The following SPIDR variants were observed in gnomAD, a reference collection of about 807,000 sequenced individuals.
SPIDR encodes the protein DNA repair-scaffolding protein.
A neutral mutation model predicts 104.6 loss-of-function variants in SPIDR; 93 were observed. The observed-to-expected ratio is 0.89, with a 90% CI of 0.75 to 1.06. The LOEUF (loss-of-function observed/expected upper bound fraction) is 1.06. Ranked by LOEUF, SPIDR falls within the 50% of genes least tolerant of loss-of-function variation. SPIDR has a pLI of 0.00. For missense variants in SPIDR, 1,154 were observed against 1,111.2 expected, an observed-to-expected ratio of 1.04 and a Z score of -0.55; for synonymous variants, 431 against 416.9, an observed-to-expected ratio of 1.03 and a Z score of -0.41.
chr8:47,263,264 T>C (rs1046886065), intron 1 of SPIDR, among the ~76,000 whole-genome samples: 4 of 152,232 alleles, frequency 2.6e-5, no homozygotes, highest in African/African-American at 9.6e-5. Context: ...CCTTTACAGC[T>C]TTGCTCATTA....
chr8:47,646,686 A>G (rs1298652886), intron 10 of SPIDR, among the ~76,000 whole-genome samples: 1 of 152,190 alleles, frequency 6.6e-6, no homozygotes, highest in East Asian at 1.9e-4. Context: ...TTCCTTGAAT[A>G]TATAGAGAGA....
chr8:47,637,695 G>A (rs935446126), intron 10 of SPIDR, among the ~76,000 whole-genome samples: 3 of 152,148 alleles, frequency 2.0e-5, no homozygotes, highest in Non-Finnish European at 2.9e-5. Flanking sequence ...TCATCATGTC[G>A]TATCCAGTGT....
intron 5 of SPIDR, among the ~76,000 whole-genome samples, chr8:47,350,758 G>A (rs2053340456): frequency 6.6e-6 from 1 of 152,174 alleles, no homozygotes; most frequent in South Asian, 2.1e-4. Context: ...GTTTAAATTT[G>A]AAAGCAGTAC....
chr8:47,275,151 T>G (rs28538258), intron 1 of SPIDR, among the ~76,000 whole-genome samples: 4,257 of 151,200 alleles, frequency 0.028, 212 homozygotes, highest in African/African-American at 0.096. Flanking sequence ...CCCAGCTACT[T>G]GGGAGGCTGA....
rs531758049 is a variant in SPIDR at position 47,721,998 on chromosome 8, C to T, written c.2342-5202C>T. Among the ~76,000 whole-genome samples the T allele has an allele frequency of 6.7e-4, 102 of 152,262 alleles. 1 individual carries two copies. The highest frequency in any genetic ancestry group is 2.3e-3 in the African/African-American group (97 of 41,554). On this transcript the variant is annotated intron_variant, in intron 16 of 19. Coordinates refer to ENST00000297423, the MANE Select transcript of SPIDR (RefSeq NM_001080394.4). ...AAATGACATGTTGTAATACTAGAGC[C>T]TTCTTATCCATGAACATGGAATATC...
intron 5 of SPIDR, among the ~76,000 whole-genome samples, chr8:47,359,092 TA>T (rs1169166306): frequency 4.1e-4 from 61 of 147,890 alleles, no homozygotes; most frequent in African/African-American, 1.3e-3. Flanking sequence ...AAAAAATTGT[TA>T]AAAAAAAAAG....
chr8:47,339,414 A>G (rs1346471377), intron 5 of SPIDR, among the ~76,000 whole-genome samples: 2 of 152,192 alleles, frequency 1.3e-5, no homozygotes, highest in African/African-American at 2.4e-5. Context: ...TTGAAGATGA[A>G]AATTTATTTA....
chr8:47,588,026 CATATATATATATATATATATAT>C lies in SPIDR; in HGVS notation c.1098-7745_1098-7724del, dbSNP rs71548440. On this transcript the variant is annotated intron_variant, in intron 8 of 19. Transcript: ENST00000297423. ...CTTTCCTTGCAACTTTTAAAATTAG[CATATATATATATATATATATAT>C]ATATATATATATATATATATATATA... is the stretch of plus-strand genomic sequence containing the variant. Among the ~76,000 whole-genome samples the C allele has an allele frequency of 7.5e-3, 175 of 23,428 alleles. 3 individuals are homozygous for C. Among genetic ancestry groups the C allele is most frequent in the South Asian group, 0.022 (14 of 628 alleles). The allele number at this position is 23,428 out of a possible 152,430, so 15.4% of individuals were successfully genotyped here.
intron 8 of SPIDR, chr8:47,547,346 G>C: frequency 4.1e-6 from 2 of 487,630 alleles, no homozygotes; most frequent in South Asian, 3.6e-5. Flanking sequence ...AATCCAGCAG[G>C]GTGGGTTATA....
intron 8 of SPIDR, among the ~76,000 whole-genome samples, chr8:47,517,767 A>G (rs962516745): frequency 3.9e-5 from 6 of 152,328 alleles, no homozygotes; most frequent in African/African-American, 1.4e-4. Context: ...TCGTGGTTTC[A>G]TTATTCGTAT....
At chr8:47,557,605 A>G (rs2091475065) in intron 8 of SPIDR, among the ~76,000 whole-genome samples, 1 of 152,182 alleles carries the variant, frequency 6.6e-6, no homozygotes, top group African/African-American at 2.4e-5. Context: ...AATAACCTGG[A>G]GGGCAAAAAC....
intron 4 of SPIDR, among the ~76,000 whole-genome samples, chr8:47,291,652 T>C (rs1194619837): frequency 2.0e-5 from 3 of 152,220 alleles, no homozygotes; most frequent in African/African-American, 7.2e-5. Flanking sequence ...ATTACAGATA[T>C]TATTTTTACA....
chr8:47,659,279 G>GT (rs1454106367), intron 10 of SPIDR, among the ~76,000 whole-genome samples: 2 of 152,062 alleles, frequency 1.3e-5, no homozygotes, highest in Non-Finnish European at 1.5e-5. Context: ...AAAGGCTGAG[G>GT]TTTTTTTCCC....
intron 10 of SPIDR, among the ~76,000 whole-genome samples, chr8:47,665,435 C>T (rs1238749619): frequency 6.6e-6 from 1 of 152,200 alleles, no homozygotes; most frequent in Admixed American, 6.5e-5. Flanking sequence ...AGACCACTGT[C>T]GTTCATCTTC....
At chr8:47,685,501 A>ATTTTTT (rs1326028640) in intron 11 of SPIDR, among the ~76,000 whole-genome samples, 12 of 110,284 alleles carry the variant, frequency 1.1e-4, no homozygotes, top group East Asian at 9.8e-4. Flanking sequence ...TTATTTATTT[A>ATTTTTT]TTTATTTATT....
chr8:47,647,015 T>C (rs2070499189), intron 10 of SPIDR, among the ~76,000 whole-genome samples: 1 of 152,184 alleles, frequency 6.6e-6, no homozygotes, highest in Non-Finnish European at 1.5e-5. Context: ...TTCTTCATGG[T>C]AGCAATACCT....
intron 8 of SPIDR, among the ~76,000 whole-genome samples, chr8:47,565,868 A>G (rs1035053284): frequency 6.7e-6 from 1 of 148,958 alleles, no homozygotes; most frequent in Admixed American, 6.8e-5. Flanking sequence ...AAATAGAAAA[A>G]ATAAGACAAC....
At chr8:47,492,346 G>A (rs2078850243) in intron 8 of SPIDR, among the ~76,000 whole-genome samples, 1 of 151,944 alleles carries the variant, frequency 6.6e-6, no homozygotes, top group African/African-American at 2.4e-5. Context: ...TTCTCACAAA[G>A]GCCATTTCCT....
chr8:47,712,872 G>T lies in SPIDR; in HGVS notation c.2188G>T (p.Gly730Cys). Residue 730 changes from glycine to cysteine, a missense_variant and splice_region_variant, in exon 15 of 20, where the codon GGT becomes TGT. Physicochemically the swap from Gly to Cys is radical, Grantham distance 159. Transcript: ENST00000297423. The part of the protein sequence containing the change: ...LFFKDALRDQ[G>C]RIVCAERTVL... ...CTTCAAGGACGCTCTCCGTGACCAG[G>T]GTGTGCTTGCGTCTCCACAGCTTTG... The T allele has an allele frequency of 3.1e-6, 5 of 1,613,866 alleles. No individual in the cohort carries two copies. The highest frequency in any genetic ancestry group is 4.2e-6 in the Non-Finnish European group (5 of 1,180,010).
Sources: allele counts gnomAD v4.1 joint callset (sites outside exome capture counted in the v4.1 genomes callset), GRCh38; gene constraint gnomAD v4.1.1; transcripts MANE v1.5; gene names NCBI Gene and HGNC (gene_info 2026-07-23, HGNC 2026-07-21).